UBE2E1: variants seen among roughly 807,000 people sequenced by gnomAD.
UBE2E1 encodes the protein ubiquitin conjugating enzyme E2 E1.
In UBE2E1, 6 loss-of-function variants were observed where a neutral mutation model predicts 21.4. The observed-to-expected ratio is 0.28, with a 90% CI of 0.15 to 0.55. The LOEUF is 0.55. UBE2E1 is among the 20% of genes least tolerant of loss of function. The pLI, the probability that UBE2E1 is intolerant of heterozygous loss-of-function variation, is 0.93. For missense variants in UBE2E1, 142 were observed against 236.5 expected, an observed-to-expected ratio of 0.60 and a Z score of 2.62; for synonymous variants, 87 against 82.7, an observed-to-expected ratio of 1.05 and a Z score of -0.28.
intron 3 of UBE2E1, among the ~76,000 whole-genome samples, chr3:23,884,304 G>A (rs1701125732): frequency 6.6e-6 from 1 of 152,180 alleles, no homozygotes; most frequent in Admixed American, 6.5e-5. Context: ...GTGACAAACT[G>A]TAAAATGTTC....
chr3:23,854,094 C>G (rs1475167300), intron 3 of UBE2E1, among the ~76,000 whole-genome samples: 5 of 151,980 alleles, frequency 3.3e-5, no homozygotes, highest in African/African-American at 1.2e-4. Flanking sequence ...CCCACGTCTA[C>G]TAAAAATAGA....
intron 3 of UBE2E1, among the ~76,000 whole-genome samples, chr3:23,814,215 G>A (rs544715788): frequency 1.3e-5 from 2 of 152,146 alleles, no homozygotes; most frequent in Non-Finnish European, 2.9e-5. Context: ...AAGGTGCACT[G>A]TTTGTGTTCA....
At chr3:23,871,211 T>A (rs1320838764) in intron 3 of UBE2E1, among the ~76,000 whole-genome samples, 2 of 147,218 alleles carry the variant, frequency 1.4e-5, no homozygotes, top group African/African-American at 5.1e-5. Flanking sequence ...CCAGACGGGG[T>A]GGTGGCCGGG....
rs549158263 is a variant in UBE2E1 at position 23,857,849 on chromosome 3, T to G, written c.204-29718T>G. On this transcript the variant is annotated intron_variant, in intron 3 of 5. Transcript: ENST00000306627. Reference sequence around the variant, plus strand: ...TGGTAGCAATGACCTTAGCTAGTCTTTTTTGTTTGTTTTGTTTTGAGACAG... The same window carrying G: ...TGGTAGCAATGACCTTAGCTAGTCTGTTTTGTTTGTTTTGTTTTGAGACAG... Among the ~76,000 whole-genome samples the G allele has an allele frequency of 9.2e-5, 14 of 152,258 alleles. No homozygotes were observed. The South Asian group carries it at 2.9e-3, about 32-fold the overall frequency.
Position 23,889,188 on chromosome 3 carries a change from A to G in UBE2E1, c.413A>G (p.Asn138Ser). 6.2e-7 allele frequency: 1 copy of G among 1,613,510 alleles called. No homozygotes were observed. The highest frequency in any genetic ancestry group is 1.3e-5 in the African/African-American group (1 of 75,052). The change falls in exon 5 of 6, where the codon AAT becomes AGT. Residue 138 changes from asparagine to serine, a missense_variant. Asn to Ser is a conservative substitution (Grantham distance 46). Coordinates refer to ENST00000306627, the MANE Select transcript of UBE2E1 (RefSeq NM_003341.5). ...GVICLDILKD[N>S]WSPALTISKV... ...ATTTGCTTGGACATATTGAAAGATAATTGGAGTCCAGCACTAACCATTTCT... is the reference window on the plus strand; with the variant it reads ...ATTTGCTTGGACATATTGAAAGATAGTTGGAGTCCAGCACTAACCATTTCT...
chr3:23,857,965 G>T (rs1454349540), intron 3 of UBE2E1, among the ~76,000 whole-genome samples: 1 of 151,930 alleles, frequency 6.6e-6, no homozygotes, highest in Non-Finnish European at 1.5e-5. Context: ...TGTCACCCAG[G>T]TTCATGCCAC....
chr3:23,871,777 C>G (rs972008048), intron 3 of UBE2E1, among the ~76,000 whole-genome samples: 3 of 151,348 alleles, frequency 2.0e-5, no homozygotes, highest in African/African-American at 7.3e-5. Context: ...AGATGATGGG[C>G]GGCCGGGCAG....
At chr3:23,886,814 A>T (rs1701196903) in intron 3 of UBE2E1, among the ~76,000 whole-genome samples, 1 of 152,234 alleles carries the variant, frequency 6.6e-6, no homozygotes, top group South Asian at 2.1e-4. Context: ...CACATCGTAC[A>T]TTTATTTAAA....
chr3:23,842,198 G>GTGTGTGTGTGTGTGTGTGTGTGT lies in UBE2E1; in HGVS notation c.203+30688_203+30689insTGTGTGTGTGTGTGTGTGTGTGT, dbSNP rs1553637705. Among the ~76,000 whole-genome samples the GTGTGTGTGTGTGTGTGTGTGTGT allele has an allele frequency of 3.2e-4, 33 of 104,360 alleles. 1 individual carries two copies. The highest frequency in any genetic ancestry group is 7.2e-4 in the Admixed American group (7 of 9,662). 68.5% of individuals were successfully genotyped at this position (104,360 alleles called of 152,430 possible). Reference sequence around the variant, plus strand: ...TATGTCATGACCCAGTAAGTGAAGGGGTGTGTGTGTGTGTGTGTGTGTGTG... The same window carrying GTGTGTGTGTGTGTGTGTGTGTGT: ...TATGTCATGACCCAGTAAGTGAAGGGTGTGTGTGTGTGTGTGTGTGTGTGTGTGTGTGTGTGTGTGTGTGTGTG... On this transcript the variant is annotated intron_variant, in intron 3 of 5. Coordinates refer to ENST00000306627, the MANE Select transcript of UBE2E1 (RefSeq NM_003341.5). The surrounding 1 kb of genome is among the most constrained non-coding windows in gnomAD (Gnocchi z 4.6).
At chr3:23,868,076 T>C (rs941008227) in intron 3 of UBE2E1, among the ~76,000 whole-genome samples, 4 of 152,198 alleles carry the variant, frequency 2.6e-5, no homozygotes, top group Non-Finnish European at 4.4e-5. Context: ...ATGTTTGGAA[T>C]GAAGCAGGAA....
intron 1 of UBE2E1, 79 bp from the exon 2 acceptor site, chr3:23,807,158 C>T (rs1486804930): frequency 1.0e-5 from 13 of 1,299,538 alleles, no homozygotes; most frequent in Admixed American, 2.7e-5. Flanking sequence ...GGTCAATGCC[C>T]TCCTGACAGC....
At chr3:23,821,476 C>T (rs1003884152) in intron 3 of UBE2E1, among the ~76,000 whole-genome samples, 13 of 152,170 alleles carry the variant, frequency 8.5e-5, no homozygotes, top group African/African-American at 3.1e-4. Context: ...TCTTTTCCCA[C>T]CCTCCCTGCT....
At chr3:23,855,215 A>G (rs531063567) in intron 3 of UBE2E1, among the ~76,000 whole-genome samples, 27 of 152,344 alleles carry the variant, frequency 1.8e-4, no homozygotes, top group Admixed American at 1.6e-3. Flanking sequence ...TAACTAAGGG[A>G]CACAAATACA....
chr3:23,888,412 A>C (rs1701246417), intron 4 of UBE2E1, among the ~76,000 whole-genome samples: 1 of 152,228 alleles, frequency 6.6e-6, no homozygotes, highest in Admixed American at 6.5e-5. Flanking sequence ...TTTTTAAAAA[A>C]TTGGTAAAAT....
intron 3 of UBE2E1, among the ~76,000 whole-genome samples, chr3:23,828,716 T>A (rs1428056247): frequency 1.3e-5 from 2 of 152,232 alleles, no homozygotes; most frequent in Admixed American, 1.3e-4. Flanking sequence ...AAAATAAACG[T>A]TACATAGCTA....
intron 3 of UBE2E1, among the ~76,000 whole-genome samples, chr3:23,811,962 T>A (rs963066743): frequency 2.0e-5 from 3 of 152,254 alleles, no homozygotes; most frequent in African/African-American, 4.8e-5. Flanking sequence ...TATAGATTTT[T>A]TATTAGACTT....
intron 3 of UBE2E1, among the ~76,000 whole-genome samples, chr3:23,872,229 C>G (rs1262665826): frequency 1.3e-5 from 2 of 152,252 alleles, no homozygotes; most frequent in Non-Finnish European, 1.5e-5. Flanking sequence ...GAAAACCAGT[C>G]AGGCGTGGCG....
At position 23,842,201 on chromosome 3, in the gene UBE2E1, GTGTGTGTGT is replaced by G. The variant is rs1559482358; in HGVS notation, c.203+30692_203+30700del. ...GTCATGACCCAGTAAGTGAAGGGGT[GTGTGTGTGT>G]GTGTGTGTGTGTGTGTGTGTGTGTG... On this transcript the variant is annotated intron_variant, in intron 3 of 5. Coordinates refer to ENST00000306627, the MANE Select transcript of UBE2E1 (RefSeq NM_003341.5). This position sits in a 1 kb window ranked among gnomAD's most constrained non-coding sequence, Gnocchi z 4.6. Among the ~76,000 whole-genome samples, 13 of 94,070 alleles carry G rather than the reference GTGTGTGTGT, an allele frequency of 1.4e-4. No homozygotes were observed. The highest frequency in any genetic ancestry group is 1.2e-3 in the East Asian group (5 of 4,052). 61.7% of individuals were successfully genotyped at this position (94,070 alleles called of 152,430 possible).
At chr3:23,835,219 C>T (rs965051956) in intron 3 of UBE2E1, among the ~76,000 whole-genome samples, 1 of 152,150 alleles carries the variant, frequency 6.6e-6, no homozygotes, top group Non-Finnish European at 1.5e-5. Context: ...CTTGTAATCT[C>T]AGCACTTTGG....
Sources: gnomAD v4.1 joint callset for allele counts (sites outside exome capture counted in the v4.1 genomes callset) on GRCh38, gnomAD v4.1.1 for gene constraint, Gnocchi (gnomAD v3.1) non-coding constraint, MANE v1.5 for transcripts, NCBI Gene and HGNC (gene_info 2026-07-23, HGNC 2026-07-21) for gene names.